The following ADGRG1 variants were observed in gnomAD, a reference collection of about 807,000 sequenced individuals.
ADGRG1 encodes adhesion G protein-coupled receptor G1.
In ADGRG1, 53 loss-of-function variants were observed where a neutral mutation model predicts 73.5. That is an observed-to-expected ratio of 0.72 (90% CI 0.58 to 0.91). The LOEUF is 0.91. Ranked by LOEUF, ADGRG1 falls within the 40% of genes least tolerant of loss-of-function variation. The pLI is 0.00. For missense variants in ADGRG1, 795 were observed against 871.8 expected, an observed-to-expected ratio of 0.91 and a Z score of 1.11; for synonymous variants, 394 against 374.4, an observed-to-expected ratio of 1.05 and a Z score of -0.60.
At chr16:57,632,285 C>A in intron 1 of ADGRG1, 2 of 985,416 alleles carry the variant, frequency 2.0e-6, no homozygotes, top group Non-Finnish European at 2.4e-6. Context: ...GTGACAGGGC[C>A]CGTAGAGACA....
chr16:57,663,093 A>G (rs2047641070), intron 13 of ADGRG1: 1 of 984,132 alleles, frequency 1.0e-6, no homozygotes, highest in South Asian at 4.7e-5. Flanking sequence ...TGAGGGGTGC[A>G]AAATCTCACA....
At chr16:57,642,096 A>C (rs1195285307) in intron 1 of ADGRG1, 2 of 984,674 alleles carry the variant, frequency 2.0e-6, no homozygotes, top group African/African-American at 3.5e-5. Context: ...ATCTCCTAAA[A>C]CTCTTGCATC....
At chr16:57,640,934 G>C in intron 1 of ADGRG1, 1 of 985,610 alleles carries the variant, frequency 1.0e-6, no homozygotes, top group Non-Finnish European at 1.2e-6. Context: ...GGGCAACGTG[G>C]GAACACAGAT....
At chr16:57,622,943 G>T (rs1373596162), upstream of ADGRG1, 1 of 985,436 alleles carries the variant, frequency 1.0e-6, no homozygotes, top group Non-Finnish European at 1.2e-6. Context: ...GGGTGACCCT[G>T]GGGGAGGGAG....
chr16:57,642,605 G>T (rs2041139447), intron 1 of ADGRG1: 2 of 978,782 alleles, frequency 2.0e-6, no homozygotes, highest in Non-Finnish European at 2.4e-6. Flanking sequence ...CCTTTGATAT[G>T]CTAATATACA....
rs866176052 is a variant in ADGRG1, at chr16:57,657,473, C to A, written c.1268C>A (p.Ala423Asp). The change falls in exon 10 of 14, where the codon GCC (alanine) becomes GAC (aspartate). Residue 423 changes from alanine to aspartate, a missense_variant. Transcript: ENST00000562631. ...GCCCTGGCCTGCCTTGTCACCATTG[C>A]CGCCTACCTCTGCTCCAGGTGAGGC... ...VSALACLVTI[A>D]AYLCSRRKPR... 2 of 1,613,278 alleles carry A rather than the reference C, an allele frequency of 1.2e-6. No individual in the cohort carries two copies. Among genetic ancestry groups the A allele is most frequent in the Non-Finnish European group, 1.7e-6 (2 of 1,179,306 alleles).
chr16:57,634,907 C>T (rs2038975487), intron 1 of ADGRG1: 4 of 972,148 alleles, frequency 4.1e-6, no homozygotes, highest in Non-Finnish European at 4.9e-6. Flanking sequence ...TAGAAACCCT[C>T]TTCATAGCCT....
chr16:57,657,420 C>T lies in ADGRG1; in HGVS notation c.1215C>T (p.Leu405=). 1 of 1,614,180 alleles carries T rather than the reference C, an allele frequency of 6.2e-7. No homozygotes were observed. Among genetic ancestry groups the T allele is most frequent in the Non-Finnish European group, 8.5e-7 (1 of 1,179,998 alleles). The part of the protein sequence containing the change: ...VDAVHKHYLS[L]LSYVGCVVSA... ...CCGTGCACAAGCACTACCTGAGCCTCCTCTCCTACGTGGGCTGTGTCGTCT... is the reference window on the plus strand; with the variant it reads ...CCGTGCACAAGCACTACCTGAGCCTTCTCTCCTACGTGGGCTGTGTCGTCT... Residue 405 remains leucine (L), a synonymous_variant, in exon 10 of 14, where the codon CTC becomes CTT. Transcript: ENST00000562631.
upstream of ADGRG1, among the ~76,000 whole-genome samples, chr16:57,624,488 G>A (rs952123423): frequency 3.3e-5 from 5 of 152,282 alleles, no homozygotes; most frequent in Admixed American, 2.0e-4. Context: ...GCAACAGAGC[G>A]AGGCCCTGTC....
At chr16:57,628,941 C>T (rs755341192) in intron 1 of ADGRG1, 139 bp downstream of exon 1, 26,373 of 570,554 alleles carry the variant, frequency 0.046, 1,328 homozygotes, top group African/African-American at 0.12. Context: ...TGAGTGTGAG[C>T]GTGAGAGTGT....
chr16:57,655,760 C>T, intron 6 of ADGRG1, 116 bp from the exon 7 acceptor site: 1 of 1,609,602 alleles, frequency 6.2e-7, no homozygotes, highest in South Asian at 1.1e-5. Context: ...GGAGACGCAG[C>T]ATCTCAAGGC....
chr16:57,663,991 G>A lies in ADGRG1; in HGVS notation c.*409G>A. On this transcript the variant is annotated 3_prime_UTR_variant, in exon 14 of 14. Transcript: ENST00000562631. ...CTGGGACAGAAATGTGGCTCCAGTTGCTCTGTCTCTCGTGGTCACCCTGAG... is the reference window on the plus strand; with the variant it reads ...CTGGGACAGAAATGTGGCTCCAGTTACTCTGTCTCTCGTGGTCACCCTGAG... The A allele has an allele frequency of 3.6e-6, 1 of 275,280 alleles. No individual in the cohort carries two copies. The allele number at this position is 275,280 out of a possible 1,614,324, so 17.1% of individuals were successfully genotyped here. A position where few individuals can be genotyped will look rare whatever the true frequency, so the allele number is the denominator to read the frequency against.
At chr16:57,634,311 T>A (rs1292555505) in intron 1 of ADGRG1, 1 of 985,254 alleles carries the variant, frequency 1.0e-6, no homozygotes, top group Non-Finnish European at 1.2e-6. Context: ...TGGTGACAGA[T>A]GCTAGGGGTG....
chr16:57,638,236 A>C (rs1597221284), intron 1 of ADGRG1, among the ~76,000 whole-genome samples: 1 of 152,218 alleles, frequency 6.6e-6, no homozygotes, highest in Admixed American at 6.5e-5. Flanking sequence ...TTCATGTCCC[A>C]GAGAAAATCT....
chr16:57,639,650 T>C, intron 1 of ADGRG1: 1 of 985,674 alleles, frequency 1.0e-6, no homozygotes, highest in Non-Finnish European at 1.2e-6. Flanking sequence ...ATAGTCTGCC[T>C]GATGCCACAA....
chr16:57,640,704 T>A (rs1470130708), intron 1 of ADGRG1: 1 of 174,886 alleles, frequency 5.7e-6, no homozygotes, highest in Non-Finnish European at 1.1e-5. Context: ...GGGAGAACTT[T>A]GTTCTTCTCA....
chr16:57,661,719 G>A lies in ADGRG1; in HGVS notation c.1687G>A (p.Val563Ile). 2 of 1,613,988 alleles carry A rather than the reference G, an allele frequency of 1.2e-6. No homozygotes were observed. The highest frequency in any genetic ancestry group is 1.7e-6 in the Non-Finnish European group (2 of 1,179,938). ...PSMCWIRDSL[V>I]SYITNLGLFS... ...CAGGTGCTGGATCCGGGACTCCCTG[G>A]TCAGCTACATCACCAACCTGGGCCT... The change falls in exon 13 of 14, where the codon GTC becomes ATC. Residue 563 changes from valine to isoleucine, a missense_variant. Val to Ile is a conservative substitution (Grantham distance 29). Transcript: ENST00000562631.
At position 57,650,368 on chromosome 16, in the gene ADGRG1, G is replaced by A. The variant is rs944227616; in HGVS notation, c.64+17G>A. The A allele has an allele frequency of 2.7e-5, 43 of 1,597,922 alleles. No homozygotes were observed. Among genetic ancestry groups the A allele is most frequent in the Admixed American group, 2.0e-4 (12 of 59,988 alleles). On this transcript the variant is annotated intron_variant, in intron 2 of 13. Coordinates refer to ENST00000562631, the MANE Select transcript of ADGRG1 (RefSeq NM_201525.4). ...TGGTCCAAGGCAGGTCTTCCCAGGG[G>A]TGCCCTGGGCTGTTGGAACTTACGT... is the stretch of plus-strand genomic sequence containing the variant.
chr16:57,645,201 G>T, intron 1 of ADGRG1: 1 of 985,486 alleles, frequency 1.0e-6, no homozygotes, highest in Non-Finnish European at 1.2e-6. Context: ...AGCAGCTGCG[G>T]ACGGGAGGGG....
Sources: allele counts gnomAD v4.1 joint callset (sites outside exome capture counted in the v4.1 genomes callset), GRCh38; gene constraint gnomAD v4.1.1; transcripts MANE v1.5; gene names NCBI Gene and HGNC (gene_info 2026-07-23, HGNC 2026-07-21).